The following GARIN5A variants were observed in gnomAD, a reference collection of about 807,000 sequenced individuals.
GARIN5A encodes golgi associated RAB2 interactor 5A, also known as Golgi-associated RAB2 interactor protein 5A.
chr19:50,476,790 C>T, the GARIN5A span: 1 of 621,262 alleles, frequency 1.6e-6, no homozygotes, highest in East Asian at 3.3e-5. Flanking sequence ...CCTGGAAAGC[C>T]AGGCCTCAGT....
chr19:50,475,172 T>G, the GARIN5A span: 1 of 1,214,972 alleles, frequency 8.2e-7, no homozygotes, highest in Non-Finnish European at 1.1e-6. Flanking sequence ...TGCTCTGTCC[T>G]TGTTCTCCCG....
the GARIN5A span, among the ~76,000 whole-genome samples, chr19:50,473,858 G>C: frequency 3.6e-3 from 548 of 152,172 alleles, 4 homozygotes; most frequent in African/African-American, 0.013. Flanking sequence ...GTGGTGGCAG[G>C]CTCCTGTAAT....
chr19:50,471,952 A>G, the GARIN5A span, among the ~76,000 whole-genome samples: 95 of 142,820 alleles, frequency 6.7e-4, 2 homozygotes, highest in African/African-American at 2.6e-3. Flanking sequence ...GTATATATAC[A>G]TGTATGTATG....
chr19:50,476,539 G>A, the GARIN5A span: 3 of 1,571,376 alleles, frequency 1.9e-6, no homozygotes, highest in African/African-American at 1.4e-5. Flanking sequence ...GTGGGAAGAA[G>A]CCGAGATGGC....
the GARIN5A span, among the ~76,000 whole-genome samples, chr19:50,471,690 GTA>G: frequency 2.0e-5 from 3 of 146,344 alleles, no homozygotes; most frequent in African/African-American, 8.2e-5. Flanking sequence ...GCACGTGTGT[GTA>G]TACGCATACA....
At chr19:50,476,260 G>A in the GARIN5A span, 1 of 1,611,570 alleles carries the variant, frequency 6.2e-7, no homozygotes, top group Non-Finnish European at 8.5e-7. Flanking sequence ...GAGGGGGCGG[G>A]ACTACGCGCA....
chr19:50,476,279 T>A, the GARIN5A span: 2 of 1,607,004 alleles, frequency 1.2e-6, no homozygotes, highest in African/African-American at 1.3e-5. Flanking sequence ...CACTGTGACG[T>A]CATGATGCGG....
the GARIN5A span, among the ~76,000 whole-genome samples, chr19:50,471,758 GTA>G: frequency 4.3e-5 from 6 of 138,072 alleles, 1 homozygote; most frequent in African/African-American, 1.9e-4. Flanking sequence ...ACATGCATGT[GTA>G]TACGCATACA....
chr19:50,471,683 CGT>C, the GARIN5A span, among the ~76,000 whole-genome samples: 5 of 143,478 alleles, frequency 3.5e-5, no homozygotes, highest in South Asian at 6.4e-4. Flanking sequence ...CATACATGCA[CGT>C]GTGTGTATAC....
At chr19:50,470,219 A>C in the GARIN5A span, among the ~76,000 whole-genome samples, 1 of 152,250 alleles carries the variant, frequency 6.6e-6, no homozygotes, top group South Asian at 2.1e-4. Flanking sequence ...GTCAAAAAGA[A>C]TCCAACTGTG....
the GARIN5A span, among the ~76,000 whole-genome samples, chr19:50,471,908 GTGTGTATA>G: frequency 6.2e-5 from 9 of 145,442 alleles, no homozygotes; most frequent in Non-Finnish European, 1.2e-4. Flanking sequence ...ATACATGTAT[GTGTGTATA>G]TGTGTATATA....
the GARIN5A span, among the ~76,000 whole-genome samples, chr19:50,471,984 A>ATATG: frequency 6.7e-6 from 1 of 149,522 alleles, no homozygotes; most frequent in Non-Finnish European, 1.5e-5. Flanking sequence ...GTATGTGTGT[A>ATATG]TATGTATATA....
chr19:50,472,329 ATCTC>A, the GARIN5A span, among the ~76,000 whole-genome samples: 41 of 151,850 alleles, frequency 2.7e-4, no homozygotes, highest in Non-Finnish European at 4.9e-4. Flanking sequence ...GTATATATAT[ATCTC>A]TCTGTCAGAA....
At chr19:50,472,120 ATATATACGTG>A in the GARIN5A span, among the ~76,000 whole-genome samples, 2 of 150,818 alleles carry the variant, frequency 1.3e-5, no homozygotes, top group African/African-American at 4.9e-5. Context: ...GTGTATATGT[ATATATACGTG>A]TGTATATGTA....
At chr19:50,472,788 C>T in the GARIN5A span, among the ~76,000 whole-genome samples, 3 of 152,042 alleles carry the variant, frequency 2.0e-5, no homozygotes, top group South Asian at 2.1e-4. Flanking sequence ...CCCAGCTACT[C>T]AGGCAGCTGA....
the GARIN5A span, among the ~76,000 whole-genome samples, chr19:50,474,876 A>G: frequency 6.6e-6 from 1 of 152,180 alleles, no homozygotes; most frequent in East Asian, 1.9e-4. Context: ...ATCCACAATC[A>G]TGACAAGCTT....
chr19:50,471,879 CATGTGTGTATATGTATGCATACATGT>C, the GARIN5A span, among the ~76,000 whole-genome samples: 1 of 147,842 alleles, frequency 6.8e-6, no homozygotes, highest in Non-Finnish European at 1.5e-5. Context: ...TGTATGCATA[CATGTGTGTATATGTATGCATACATGT>C]ATGTGTGTAT....
At chr19:50,470,201 G>A in the GARIN5A span, among the ~76,000 whole-genome samples, 19 of 152,300 alleles carry the variant, frequency 1.2e-4, no homozygotes, top group African/African-American at 4.3e-4. Context: ...AGCAGAGCAC[G>A]TGCAATGGTC....
the GARIN5A span, among the ~76,000 whole-genome samples, chr19:50,472,319 GTATATA>G: frequency 1.3e-5 from 2 of 151,628 alleles, no homozygotes; most frequent in African/African-American, 4.9e-5. Flanking sequence ...ATGTATGTGT[GTATATA>G]TATATCTCTC....
Sources: gnomAD v4.1 joint callset for allele counts (sites outside exome capture counted in the v4.1 genomes callset) on GRCh38, gnomAD v4.1.1 for gene constraint, MANE v1.5 for transcripts, NCBI Gene and HGNC (gene_info 2026-07-23, HGNC 2026-07-21) for gene names.